MIPOL1: variants seen among roughly 807,000 people sequenced by gnomAD.
MIPOL1 encodes mirror-image polydactyly gene 1 protein.
MIPOL1 carries 57 observed loss-of-function variants against 60.9 expected under a neutral mutation model. The observed-to-expected ratio is 0.94, with a 90% CI of 0.76 to 1.17. The LOEUF (loss-of-function observed/expected upper bound fraction) is 1.17. MIPOL1 is among the 50% of genes most tolerant of loss of function. The pLI, the probability that MIPOL1 is intolerant of heterozygous loss-of-function variation, is 0.00. For missense variants in MIPOL1, 551 were observed against 511.6 expected (o/e 1.08, Z -0.74); for synonymous variants, 179 against 168.8 (o/e 1.06, Z -0.47).
At chr14:37,214,343 C>T (rs1282403421) in intron 1 of MIPOL1, among the ~76,000 whole-genome samples, 8 of 152,176 alleles carry the variant, frequency 5.3e-5, no homozygotes, top group African/African-American at 1.7e-4. Flanking sequence ...GAAGTTAAGG[C>T]ATAGAGTTTT....
intron 7 of MIPOL1, among the ~76,000 whole-genome samples, chr14:37,304,314 G>A (rs2086598097): frequency 6.6e-6 from 1 of 151,032 alleles, no homozygotes; most frequent in South Asian, 2.1e-4. Context: ...TTTACCCCTT[G>A]GCTTTAATGC....
At chr14:37,480,274 A>G (rs371186782) in intron 11 of MIPOL1, among the ~76,000 whole-genome samples, 21 of 152,152 alleles carry the variant, frequency 1.4e-4, no homozygotes, top group Non-Finnish European at 2.6e-4. Flanking sequence ...ACAGGCCACT[A>G]TTCTTGATAA....
chr14:37,493,359 CA>C (rs1299907517), intron 11 of MIPOL1, among the ~76,000 whole-genome samples: 1 of 152,062 alleles, frequency 6.6e-6, no homozygotes, highest in Non-Finnish European at 1.5e-5. Flanking sequence ...TTCCAAGTTA[CA>C]TTAAGCTGAG....
intron 11 of MIPOL1, among the ~76,000 whole-genome samples, chr14:37,433,395 G>A (rs906243192): frequency 3.3e-5 from 5 of 151,950 alleles, no homozygotes; most frequent in South Asian, 2.1e-4. Flanking sequence ...AACAGGCCCC[G>A]GTGTGTGATG....
chr14:37,540,935 A>C (rs907432742), intron 12 of MIPOL1, among the ~76,000 whole-genome samples: 4 of 152,134 alleles, frequency 2.6e-5, no homozygotes, highest in Non-Finnish European at 5.9e-5. Flanking sequence ...CCTCTTGTTC[A>C]GTAATTGCTT....
chr14:37,399,288 C>T (rs867182700), intron 10 of MIPOL1, among the ~76,000 whole-genome samples: 17 of 152,272 alleles, frequency 1.1e-4, no homozygotes, highest in African/African-American at 3.6e-4. Context: ...AAAAATAAAA[C>T]AATCCTCTGA....
chr14:37,469,060 T>C (rs2094640716), intron 11 of MIPOL1, among the ~76,000 whole-genome samples: 1 of 152,198 alleles, frequency 6.6e-6, no homozygotes, highest in Non-Finnish European at 1.5e-5. Context: ...ATATTCATAT[T>C]TGTGCTTTAG....
intron 10 of MIPOL1, among the ~76,000 whole-genome samples, chr14:37,396,777 T>C (rs952244203): frequency 6.6e-6 from 1 of 152,182 alleles, no homozygotes; most frequent in African/African-American, 2.4e-5. Context: ...GCCGAGACTT[T>C]CCAGAGCATT....
At chr14:37,271,753 A>C (rs2083317013) in intron 6 of MIPOL1, among the ~76,000 whole-genome samples, 2 of 151,706 alleles carry the variant, frequency 1.3e-5, no homozygotes, top group Admixed American at 6.6e-5. Flanking sequence ...TTAGGATACT[A>C]TTAGAAGAAA....
At chr14:37,255,348 G>T (rs1439681491) in intron 3 of MIPOL1, among the ~76,000 whole-genome samples, 2 of 151,752 alleles carry the variant, frequency 1.3e-5, no homozygotes, top group Admixed American at 6.6e-5. Flanking sequence ...CCTTTAGAAG[G>T]TTGGTCCAGG....
intron 10 of MIPOL1, among the ~76,000 whole-genome samples, chr14:37,389,749 G>C (rs1428143775): frequency 2.0e-5 from 3 of 150,832 alleles, no homozygotes; most frequent in South Asian, 2.1e-4. Context: ...CCATTGTCTG[G>C]TATTTAAAGA....
intron 10 of MIPOL1, among the ~76,000 whole-genome samples, chr14:37,414,897 T>G (rs1453053026): frequency 6.6e-6 from 1 of 152,106 alleles, no homozygotes; most frequent in Non-Finnish European, 1.5e-5. Flanking sequence ...GAATGAACAC[T>G]TGCTGAATCA....
rs1025145712 is a variant in MIPOL1, at chr14:37,284,371, T to A, written c.494-947T>A. Among the ~76,000 whole-genome samples the A allele has an allele frequency of 7.9e-5, 12 of 152,282 alleles. No individual in the cohort carries two copies. The South Asian group carries it at 1.9e-3, about 24-fold the overall frequency. Reference sequence around the variant, plus strand: ...ATGTATTTATATTTTTGAGACTGAGTCTCACACTGTTGCCCAGGCTGGAGT... The same window carrying A: ...ATGTATTTATATTTTTGAGACTGAGACTCACACTGTTGCCCAGGCTGGAGT... On this transcript the variant is annotated intron_variant, in intron 6 of 12. Coordinates refer to ENST00000684589, the MANE Select transcript of MIPOL1 (RefSeq NM_001388067.1).
chr14:37,258,717 G>T (rs1396671467), intron 3 of MIPOL1, among the ~76,000 whole-genome samples: 1 of 152,002 alleles, frequency 6.6e-6, no homozygotes, highest in Admixed American at 6.6e-5. Flanking sequence ...AAATTTAAAA[G>T]CTTAAACATA....
At chr14:37,263,017 T>A (rs1448688414) in intron 3 of MIPOL1, among the ~76,000 whole-genome samples, 1 of 152,212 alleles carries the variant, frequency 6.6e-6, no homozygotes, top group Non-Finnish European at 1.5e-5. Flanking sequence ...TAGTTACTTT[T>A]GGCAATGAGT....
At chr14:37,200,850 ATGTGTGTG>A (rs56965903) in intron 1 of MIPOL1, among the ~76,000 whole-genome samples, 1,815 of 87,018 alleles carry the variant, frequency 0.021, 65 homozygotes, top group African/African-American at 0.06. Context: ...ATATCTATCT[ATGTGTGTG>A]TGTGTGTGTG....
intron 1 of MIPOL1, chr14:37,212,445 C>T (rs1234481170): frequency 6.6e-6 from 1 of 152,238 alleles, no homozygotes; most frequent in Middle Eastern, 3.4e-3. Flanking sequence ...TGGTGGTACT[C>T]CTCATGGCCT....
At chr14:37,426,663 G>A (rs8006056) in intron 11 of MIPOL1, among the ~76,000 whole-genome samples, 141,711 of 142,704 alleles carry the variant, frequency 0.99, 70,370 homozygotes, top group Middle Eastern at 1. Flanking sequence ...ATATATATAT[G>A]CACACAAGTA....
intron 10 of MIPOL1, among the ~76,000 whole-genome samples, chr14:37,394,068 A>G (rs1411765718): frequency 7.5e-6 from 1 of 132,514 alleles, no homozygotes; most frequent in African/African-American, 2.8e-5. Flanking sequence ...ATATATATAT[A>G]TATATATATA....
Sources: allele counts gnomAD v4.1 joint callset (sites outside exome capture counted in the v4.1 genomes callset), GRCh38; gene constraint gnomAD v4.1.1; transcripts MANE v1.5; gene names NCBI Gene and HGNC (gene_info 2026-07-23, HGNC 2026-07-21).